Variants in MEIKIN observed in about 807,000 individuals in gnomAD.
MEIKIN encodes meiotic kinetochore factor.
At chr5:131,817,811 T>C (rs1773130669) in intron 12 of MEIKIN, among the ~76,000 whole-genome samples, 1 of 152,152 alleles carries the variant, frequency 6.6e-6, no homozygotes, top group Non-Finnish European at 1.5e-5. Flanking sequence ...GTACAAGAAT[T>C]AAGAGTGGAC....
intron 2 of MEIKIN, 40 bp downstream of exon 2, chr5:131,945,116 G>A: frequency 1.0e-5 from 4 of 399,130 alleles, no homozygotes; most frequent in Non-Finnish European, 1.8e-5. Flanking sequence ...GTTTTCTGAG[G>A]TGGCAAGCTA....
chr5:131,864,651 C>T (rs998570403), intron 9 of MEIKIN, among the ~76,000 whole-genome samples: 1 of 152,132 alleles, frequency 6.6e-6, no homozygotes, highest in South Asian at 2.1e-4. Flanking sequence ...TTTTAGAATT[C>T]TCTGTCTTTC....
intron 11 of MEIKIN, among the ~76,000 whole-genome samples, chr5:131,830,906 T>G (rs1749703411): frequency 1.3e-5 from 2 of 151,904 alleles, no homozygotes; most frequent in African/African-American, 4.8e-5. Context: ...GACTTTGGTT[T>G]TTTTTTTTTT....
intron 8 of MEIKIN, among the ~76,000 whole-genome samples, chr5:131,902,096 T>C (rs1751168170): frequency 6.6e-6 from 1 of 152,162 alleles, no homozygotes; most frequent in South Asian, 2.1e-4. Context: ...GCTCCAGCCA[T>C]GTGAAGTGCC....
chr5:131,926,680 G>A (rs552655923), intron 5 of MEIKIN, among the ~76,000 whole-genome samples: 2 of 152,178 alleles, frequency 1.3e-5, no homozygotes, highest in South Asian at 2.1e-4. Context: ...TTTGTTGGAA[G>A]GTTTTTGATT....
rs566636991 is a variant in MEIKIN, at chr5:131,832,362, A to T, written c.976-13499T>A. ...TCTCACATCTAGGTCACACTGATGC[A>T]AAAGGTGGGTTCTCATGGTCTTGGG... On this transcript the variant is annotated intron_variant, in intron 11 of 12. Transcript: ENST00000442687. 8.5e-5 allele frequency among the ~76,000 whole-genome samples: 13 copies of T among 152,240 alleles called. No homozygotes were observed. The South Asian group carries it at 2.5e-3, about 29-fold the overall frequency.
chr5:131,838,371 A>G (rs749589744), intron 11 of MEIKIN, among the ~76,000 whole-genome samples: 3 of 152,126 alleles, frequency 2.0e-5, no homozygotes, highest in Non-Finnish European at 4.4e-5. Context: ...GCCTCATAGA[A>G]TAAGTTAGAG....
At position 131,944,662 on chromosome 5, in the gene MEIKIN, T is replaced by C; in HGVS notation, c.288+3A>G. 1 of 399,092 alleles carries C rather than the reference T, an allele frequency of 2.5e-6. No individual in the cohort carries two copies. The highest frequency in any genetic ancestry group is 4.4e-6 in the Non-Finnish European group (1 of 226,062). The allele number at this position is 399,092 out of a possible 1,614,324, so 24.7% of individuals were successfully genotyped here. ...CCAAGGACTAAAAGAGAAGCATACA[T>C]ACACGCAACGATGCAATCTTCTCAT... On this transcript the variant is annotated splice_donor_region_variant and intron_variant, in intron 3 of 12. Coordinates refer to ENST00000442687, the MANE Select transcript of MEIKIN (RefSeq NM_001303622.2).
Position 131,826,280 on chromosome 5 carries a change from G to A in MEIKIN, c.976-7417C>T, listed in dbSNP as rs576842062. On this transcript the variant is annotated intron_variant, in intron 11 of 12. Coordinates refer to ENST00000442687, the MANE Select transcript of MEIKIN (RefSeq NM_001303622.2). Reference sequence around the variant, plus strand: ...ATGATCTGAGACGGTTGTCCTAAGAGGCAAGAATAAAAGGTTATTAAATTT... The same window carrying A: ...ATGATCTGAGACGGTTGTCCTAAGAAGCAAGAATAAAAGGTTATTAAATTT... Among the ~76,000 whole-genome samples, 7 of 151,090 alleles carry A rather than the reference G, an allele frequency of 4.6e-5. No individual in the cohort carries two copies. The South Asian group carries it at 1.2e-3, about 27-fold the overall frequency.
At chr5:131,872,757 G>C (rs1750529182) in intron 9 of MEIKIN, among the ~76,000 whole-genome samples, 1 of 152,208 alleles carries the variant, frequency 6.6e-6, no homozygotes, top group Non-Finnish European at 1.5e-5. Context: ...AGAAAGGTTG[G>C]GTTACCCACA....
At chr5:131,821,416 A>G (rs1402657018) in intron 11 of MEIKIN, among the ~76,000 whole-genome samples, 7 of 152,186 alleles carry the variant, frequency 4.6e-5, no homozygotes, top group African/African-American at 1.7e-4. Flanking sequence ...GACCCAACAC[A>G]TGGCCTGTCC....
At chr5:131,934,292 T>G (rs1751737750) in intron 4 of MEIKIN, among the ~76,000 whole-genome samples, 1 of 152,042 alleles carries the variant, frequency 6.6e-6, no homozygotes, top group African/African-American at 2.4e-5. Context: ...AGTAACCCAT[T>G]AATTGTAAGC....
At chr5:131,941,982 A>C (rs1435128104) in intron 4 of MEIKIN, among the ~76,000 whole-genome samples, 1 of 152,080 alleles carries the variant, frequency 6.6e-6, no homozygotes, top group Non-Finnish European at 1.5e-5. Context: ...AGAAGGCGCC[A>C]TTATTTCTCC....
chr5:131,863,101 T>C (rs1318456427), intron 9 of MEIKIN, among the ~76,000 whole-genome samples: 2 of 152,216 alleles, frequency 1.3e-5, no homozygotes, highest in African/African-American at 4.8e-5. Context: ...GTTTCCAAAC[T>C]TCCTCTTGGT....
chr5:131,854,231 T>C (rs1750159851), intron 10 of MEIKIN, among the ~76,000 whole-genome samples: 1 of 152,148 alleles, frequency 6.6e-6, no homozygotes, highest in African/African-American at 2.4e-5. Flanking sequence ...TGACATAAAC[T>C]AGTCACAAAG....
chr5:131,866,335 G>A (rs745786066), intron 9 of MEIKIN, among the ~76,000 whole-genome samples: 3 of 152,220 alleles, frequency 2.0e-5, no homozygotes, highest in Non-Finnish European at 2.9e-5. Context: ...CAGACCCCTG[G>A]ATAGTGTCCT....
rs181233664 is a variant in MEIKIN, at chr5:131,807,075, A to T, written c.*161T>A. On this transcript the variant is annotated 3_prime_UTR_variant, in exon 13 of 13. Transcript: ENST00000442687. ...TTTCTTAACTGATTAAAAGTAAATGACAAGAACCTCAGTAGAATTTCAACA... is the reference window on the plus strand; with the variant it reads ...TTTCTTAACTGATTAAAAGTAAATGTCAAGAACCTCAGTAGAATTTCAACA... 1.3e-3 allele frequency: 496 copies of T among 391,934 alleles called. 2 individuals are homozygous for T. The highest frequency in any genetic ancestry group is 9.0e-3 in the African/African-American group (438 of 48,592). 24.3% of individuals were successfully genotyped at this position (391,934 alleles called of 1,614,324 possible). A position where few individuals can be genotyped will look rare whatever the true frequency, so the allele number is the denominator to read the frequency against.
intron 8 of MEIKIN, among the ~76,000 whole-genome samples, chr5:131,895,317 G>A (rs1240801125): frequency 3.3e-5 from 5 of 152,162 alleles, no homozygotes; most frequent in African/African-American, 7.2e-5. Flanking sequence ...TTTTCACATC[G>A]ATGTTCATCA....
intron 8 of MEIKIN, among the ~76,000 whole-genome samples, chr5:131,886,529 C>G (rs894047710): frequency 6.6e-6 from 1 of 152,178 alleles, no homozygotes; most frequent in Non-Finnish European, 1.5e-5. Flanking sequence ...AGGAAAACAA[C>G]TTTTACTCTA....
Sources: gnomAD v4.1 joint callset for allele counts (sites outside exome capture counted in the v4.1 genomes callset) on GRCh38, gnomAD v4.1.1 for gene constraint, MANE v1.5 for transcripts, NCBI Gene and HGNC (gene_info 2026-07-23, HGNC 2026-07-21) for gene names.